The following RAPGEF2 variants were observed in gnomAD, a reference collection of about 807,000 sequenced individuals.
RAPGEF2 encodes PDZ domain containing guanine nucleotide exchange factor (GEF) 1.
A neutral mutation model predicts 186.7 loss-of-function variants in RAPGEF2; 54 were observed. The observed-to-expected ratio is 0.29, with a 90% CI of 0.23 to 0.36. The LOEUF is 0.36. Ranked by LOEUF, RAPGEF2 falls within the 10% of genes least tolerant of loss-of-function variation. The pLI is 1.00. For synonymous variants in RAPGEF2, 712 were observed against 705.9 expected, an observed-to-expected ratio of 1.01 and a Z score of -0.14; for missense variants, 1,532 against 2,045.0, an observed-to-expected ratio of 0.75 and a Z score of 4.84.
rs10034898 is a variant in RAPGEF2 at position 159,353,028 on chromosome 4, G to C, written c.4091+118G>C. The C allele has an allele frequency of 0.57, 561,985 of 981,492 alleles. 167,081 individuals carry two copies. Among genetic ancestry groups the C allele is most frequent in the African/African-American group, 0.73 (43,985 of 60,226 alleles). The allele number at this position is 981,492 out of a possible 1,614,324, so 60.8% of individuals were successfully genotyped here. On this transcript the variant is annotated intron_variant, in intron 27 of 29. Transcript: ENST00000691494. This position sits in a 1 kb window ranked among gnomAD's most constrained non-coding sequence, Gnocchi z 4.3. ...TTACATAATGCCTAAGAATTTTTCT[G>C]CCATCCCAGTTCTGATTTTCACAAT...
intron 7 of RAPGEF2, among the ~76,000 whole-genome samples, chr4:159,266,589 C>T (rs1340812393): frequency 6.6e-6 from 1 of 151,582 alleles, no homozygotes; most frequent in Non-Finnish European, 1.5e-5. Flanking sequence ...AAAAAAAAAA[C>T]CTGGGTAGGT....
chr4:159,205,467 C>T (rs772981409), intron 3 of RAPGEF2, among the ~76,000 whole-genome samples: 14 of 152,154 alleles, frequency 9.2e-5, no homozygotes, highest in Non-Finnish European at 1.5e-4. Flanking sequence ...ATGCAGTTAA[C>T]GTACCTAGCC....
chr4:159,202,103 C>T (rs1003735995), intron 3 of RAPGEF2, among the ~76,000 whole-genome samples: 1 of 152,190 alleles, frequency 6.6e-6, no homozygotes, highest in African/African-American at 2.4e-5. Flanking sequence ...GTGTCGTGTG[C>T]TCGGCTCAGC....
In RAPGEF2 at chr4:159,355,878, G is replaced by GCCGCCCCCCCCCCCCC; in HGVS notation, c.4679_4680insGCCCCCCCCCCCCCCC (p.Thr1563ProfsTer17). On this transcript the variant is annotated frameshift_variant, in exon 29 of 30. Transcript: ENST00000691494. LOFTEE classifies it high-confidence loss of function. ...CACGAAAGGAGGGCAGGTATCGAGA[G>GCCGCCCCCCCCCCCCC]CCCCCGCCCACCCCTCCCGGCTACA... is the stretch of plus-strand genomic sequence containing the variant. 6.6e-7 allele frequency: 1 copy of GCCGCCCCCCCCCCCCC among 1,515,846 alleles called. No individual in the cohort carries two copies. 93.9% of individuals were successfully genotyped at this position (1,515,846 alleles called of 1,614,324 possible).
At chr4:159,251,620 C>T (rs1755407072) in intron 7 of RAPGEF2, among the ~76,000 whole-genome samples, 1 of 152,118 alleles carries the variant, frequency 6.6e-6, no homozygotes, top group Admixed American at 6.5e-5. Context: ...TGCTCTGTGT[C>T]TAGCAAGTCT....
Position 159,319,384 on chromosome 4 carries a change from T to C in RAPGEF2, c.854-2963T>C, listed in dbSNP as rs374498558. 1.4e-4 allele frequency among the ~76,000 whole-genome samples: 21 copies of C among 152,132 alleles called. No homozygotes were observed. The East Asian group carries it at 1.5e-3, about 11-fold the overall frequency. ...CCTATGAGACTGTAATGCTTGATGATCTGAGGCAGAACAGTTTCATCCCAA... is the reference window on the plus strand; with the variant it reads ...CCTATGAGACTGTAATGCTTGATGACCTGAGGCAGAACAGTTTCATCCCAA... On this transcript the variant is annotated intron_variant, in intron 9 of 29. Transcript: ENST00000691494.
chr4:159,355,364 G>A (rs1436361215), intron 28 of RAPGEF2, among the ~76,000 whole-genome samples: 1 of 152,130 alleles, frequency 6.6e-6, no homozygotes, highest in Non-Finnish European at 1.5e-5. Flanking sequence ...TGAGACCCGA[G>A]AGTGATGTAG....
intron 1 of RAPGEF2, among the ~76,000 whole-genome samples, chr4:159,182,634 G>A (rs1234967434): frequency 6.6e-6 from 1 of 151,916 alleles, no homozygotes; most frequent in African/African-American, 2.4e-5. Context: ...AACCTCAAAT[G>A]GTCTGTCTAC....
intron 8 of RAPGEF2, among the ~76,000 whole-genome samples, chr4:159,309,416 C>G (rs1256364353): frequency 6.6e-6 from 1 of 152,044 alleles, no homozygotes; most frequent in African/African-American, 2.4e-5. Context: ...ATTTTTTCCC[C>G]TAGAGCCTAG....
intron 6 of RAPGEF2, among the ~76,000 whole-genome samples, chr4:159,242,903 G>T (rs767694187): frequency 2.0e-5 from 3 of 151,904 alleles, no homozygotes; most frequent in Non-Finnish European, 2.9e-5. Context: ...GTCAGTGGGA[G>T]TATGGATTAT....
At chr4:159,304,847 G>C (rs193278998) in intron 8 of RAPGEF2, among the ~76,000 whole-genome samples, 1 of 151,958 alleles carries the variant, frequency 6.6e-6, no homozygotes, top group East Asian at 1.9e-4. Flanking sequence ...CCCTACTCCC[G>C]CATGTGCTGA....
rs750302978 is a variant in RAPGEF2, at chr4:159,341,719, T to C, written c.2690T>C (p.Ile897Thr). 3.1e-6 allele frequency: 5 copies of C among 1,614,098 alleles called. No individual in the cohort carries two copies. Among genetic ancestry groups the C allele is most frequent in the Non-Finnish European group, 4.2e-6 (5 of 1,179,954 alleles). The change falls in exon 20 of 30, where the codon ATT becomes ACT. Residue 897 changes from isoleucine to threonine, a missense_variant. By Grantham distance (89) the Ile-to-Thr change is moderately conservative. This residue lies in a region of RAPGEF2 where 810 missense variants were observed against 1,210.5 expected (regional missense o/e 0.67). Transcript: ENST00000691494. ...CGAAATTTTGAACTCTTTCGCAACA[T>C]TGAACCTACTGAATATATAGATGAT... The part of the protein sequence containing the change: ...SMRNFELFRN[I>T]EPTEYIDDLF...
intron 3 of RAPGEF2, among the ~76,000 whole-genome samples, chr4:159,196,315 C>A (rs116149576): frequency 0.013 from 2,006 of 152,198 alleles, 48 homozygotes; most frequent in African/African-American, 0.046. Flanking sequence ...TAATAGTACT[C>A]CTCTTTTTCG....
rs1177861236 is a variant in RAPGEF2, at chr4:159,107,781, C to T, written c.69+3550C>T. 3.3e-5 allele frequency among the ~76,000 whole-genome samples: 5 copies of T among 152,210 alleles called. No homozygotes were observed. In the East Asian group the frequency reaches 5.8e-4, roughly 18 times the overall value. ...TCAGAGAACTGTAAATTATGAGAAA[C>T]GGCATGAAAGAATATCTCTGACAAA... On this transcript the variant is annotated intron_variant, in intron 1 of 29. Transcript: ENST00000691494.
At chr4:159,338,188 T>C (rs1389656874) in intron 17 of RAPGEF2, 123 bp from the exon 18 acceptor site, 1 of 754,022 alleles carries the variant, frequency 1.3e-6, no homozygotes, top group Non-Finnish European at 2.0e-6. Context: ...AATTTATTAA[T>C]GGTGTTTTTA....
At chr4:159,151,086 T>C (rs186595339) in intron 1 of RAPGEF2, among the ~76,000 whole-genome samples, 322 of 152,378 alleles carry the variant, frequency 2.1e-3, no homozygotes, top group African/African-American at 7.5e-3. Flanking sequence ...TATTGTACTT[T>C]CCTATTTCCT....
At chr4:159,203,291 G>A (rs1749639596) in intron 3 of RAPGEF2, among the ~76,000 whole-genome samples, 1 of 152,106 alleles carries the variant, frequency 6.6e-6, no homozygotes, top group African/African-American at 2.4e-5. Context: ...CTGGGTTCCT[G>A]TCTATTCAGT....
At chr4:159,138,022 T>C (rs1346038824) in intron 1 of RAPGEF2, among the ~76,000 whole-genome samples, 1 of 152,212 alleles carries the variant, frequency 6.6e-6, no homozygotes, top group African/African-American at 2.4e-5. Context: ...CATGGTATAA[T>C]TGACTTTCGC....
intron 4 of RAPGEF2, chr4:159,229,612 C>T (rs1330046039): frequency 6.6e-6 from 1 of 152,148 alleles, no homozygotes; most frequent in Non-Finnish European, 1.5e-5. Context: ...ATATGGAAGA[C>T]TACTTAGTAA....
Sources: allele counts gnomAD v4.1 joint callset (sites outside exome capture counted in the v4.1 genomes callset), GRCh38; gene constraint gnomAD v4.1.1; regional missense constraint gnomAD v4.1.1; non-coding constraint Gnocchi (gnomAD v3.1); transcripts MANE v1.5; gene names NCBI Gene and HGNC (gene_info 2026-07-23, HGNC 2026-07-21).